LPP: variants seen among roughly 807,000 people sequenced by gnomAD.
LPP encodes the protein LIM domain containing preferred translocation partner in lipoma.
In LPP, 38 loss-of-function variants were observed where a neutral mutation model predicts 60.4. The observed-to-expected ratio is 0.63, with a 90% CI of 0.49 to 0.83. The LOEUF is 0.83. Among genes scored for constraint, LPP ranks in the 40% least tolerant of loss-of-function variants. The pLI is 0.00. For missense variants in LPP, 902 were observed against 783.6 expected (o/e 1.15, Z -1.80); for synonymous variants, 328 against 290.8 (o/e 1.13, Z -1.30).
intron 7 of LPP, among the ~76,000 whole-genome samples, chr3:188,659,175 A>G (rs1452183855): frequency 6.6e-6 from 1 of 152,228 alleles, no homozygotes; most frequent in Non-Finnish European, 1.5e-5. Context: ...TTTCTTCAGC[A>G]TTAGATGGCT....
intron 3 of LPP, among the ~76,000 whole-genome samples, chr3:188,394,551 A>AGTGTGTGT (rs1209092729): frequency 0.32 from 46,619 of 146,728 alleles, 7,569 homozygotes; most frequent in Admixed American, 0.38. Context: ...AAATATCTAA[A>AGTGTGTGT]GTGTGTGTGT....
chr3:188,287,022 T>TC (rs1744152645), intron 2 of LPP, among the ~76,000 whole-genome samples: 1 of 152,170 alleles, frequency 6.6e-6, no homozygotes, highest in Admixed American at 6.5e-5. Flanking sequence ...TGTCTCAGCC[T>TC]CCCAAGTAGC....
At chr3:188,578,431 C>A (rs568620532) in intron 6 of LPP, among the ~76,000 whole-genome samples, 94 of 152,300 alleles carry the variant, frequency 6.2e-4, no homozygotes, top group Admixed American at 5.9e-3. Flanking sequence ...CCCAGGACTA[C>A]CCCTGCTATA....
chr3:188,860,905 G>T (rs1450991686), intron 9 of LPP, among the ~76,000 whole-genome samples: 2 of 152,158 alleles, frequency 1.3e-5, no homozygotes, highest in Non-Finnish European at 2.9e-5. Flanking sequence ...TGTGTCTACC[G>T]ATATACAGAT....
chr3:188,889,158 G>A lies in LPP; in HGVS notation c.*14679G>A, dbSNP rs1770994020. The A allele has an allele frequency of 4.4e-6, 1 of 228,118 alleles. No individual in the cohort carries two copies. The highest frequency in any genetic ancestry group is 8.7e-6 in the Non-Finnish European group (1 of 114,800). The allele number at this position is 228,118 out of a possible 1,614,324, so 14.1% of individuals were successfully genotyped here. On this transcript the variant is annotated 3_prime_UTR_variant, in exon 12 of 12. Coordinates refer to ENST00000617246, the MANE Select transcript of LPP (RefSeq NM_001375462.1). ...GAAGCTCAGGGGGCCAAATGTCCTT[G>A]CCAGATCCTTAGAGCATTACTTTGA...
chr3:188,612,587 A>G (rs986286801), intron 7 of LPP, among the ~76,000 whole-genome samples: 6 of 152,198 alleles, frequency 3.9e-5, no homozygotes. Context: ...AATGATTGCA[A>G]AAGGCTTGGA....
rs77896693 is a variant in LPP, at chr3:188,610,341, G to A, written c.1113+497G>A. On this transcript the variant is annotated intron_variant, in intron 7 of 11. Transcript: ENST00000617246. The surrounding 1 kb of genome is among the most constrained non-coding windows in gnomAD (Gnocchi z 4.4). ...TGTCAGGCTGTGGCCCTGTGAAGGCGATTATAACTCCCGCAATGTTGGTAC... is the reference window on the plus strand; with the variant it reads ...TGTCAGGCTGTGGCCCTGTGAAGGCAATTATAACTCCCGCAATGTTGGTAC... 0.015 allele frequency among the ~76,000 whole-genome samples: 2,358 copies of A among 152,252 alleles called. 65 individuals carry two copies. Among genetic ancestry groups the A allele is most frequent in the African/African-American group, 0.052 (2,164 of 41,530 alleles).
Position 188,377,683 on chromosome 3 carries a change from T to C in LPP, c.-9-28429T>C, listed in dbSNP as rs111358655. ...CCTGTAGCTTGGAGTAGTTTGATCATCTGAAGCCTTCTTCTCTCAACTTGT... is the reference window on the plus strand; with the variant it reads ...CCTGTAGCTTGGAGTAGTTTGATCACCTGAAGCCTTCTTCTCTCAACTTGT... On this transcript the variant is annotated intron_variant, in intron 3 of 11. Coordinates refer to ENST00000617246, the MANE Select transcript of LPP (RefSeq NM_001375462.1). Among the ~76,000 whole-genome samples the C allele has an allele frequency of 1.3e-3, 205 of 152,332 alleles. 2 individuals carry two copies. Among genetic ancestry groups the C allele is most frequent in the African/African-American group, 4.8e-3 (200 of 41,582 alleles).
At chr3:188,511,878 G>T (rs1346862137) in intron 5 of LPP, among the ~76,000 whole-genome samples, 3 of 152,168 alleles carry the variant, frequency 2.0e-5, no homozygotes, top group African/African-American at 7.2e-5. Flanking sequence ...CAGGCTGTGT[G>T]CAGTGGACTG....
At chr3:188,436,986 A>G (rs937452109) in intron 4 of LPP, among the ~76,000 whole-genome samples, 1 of 152,158 alleles carries the variant, frequency 6.6e-6, no homozygotes, top group Admixed American at 6.5e-5. Context: ...CCAGGGGATC[A>G]GAGAGGAAAA....
At chr3:188,600,815 G>T (rs553020191) in intron 6 of LPP, among the ~76,000 whole-genome samples, 3 of 151,302 alleles carry the variant, frequency 2.0e-5, no homozygotes, top group African/African-American at 7.3e-5. Context: ...TTTGTTTTTT[G>T]TTTTTTGTTT....
At chr3:188,709,285 A>C (rs1866120795) in intron 8 of LPP, 1 of 152,230 alleles carries the variant, frequency 6.6e-6, no homozygotes, top group South Asian at 2.1e-4. Context: ...AATAATTACT[A>C]GTCTAGGTAG....
At chr3:188,291,606 A>G (rs1264169661) in intron 2 of LPP, among the ~76,000 whole-genome samples, 1 of 146,928 alleles carries the variant, frequency 6.8e-6, no homozygotes, top group African/African-American at 2.5e-5. Context: ...AGATCATGCC[A>G]CTGCACTCCA....
intron 1 of LPP, among the ~76,000 whole-genome samples, chr3:188,189,463 C>T (rs1434894610): frequency 1.3e-5 from 2 of 152,148 alleles, no homozygotes; most frequent in African/African-American, 4.8e-5. Context: ...ATTGGGGCCA[C>T]GCTGTGGTTT....
At chr3:188,285,275 T>C (rs926255891) in intron 2 of LPP, among the ~76,000 whole-genome samples, 5 of 152,188 alleles carry the variant, frequency 3.3e-5, no homozygotes, top group African/African-American at 1.2e-4. Flanking sequence ...TTTCTATATA[T>C]GTGAAGCGTT....
rs551955288 is a variant in LPP at position 188,563,622 on chromosome 3, G to C, written c.429+38835G>C. On this transcript the variant is annotated intron_variant, in intron 6 of 11. Transcript: ENST00000617246. ...ATCACTGAGTCTCTTTTATAGTGGA[G>C]AGCTTCAGCTTTTCTTTATTACAAA... Among the ~76,000 whole-genome samples, 3 of 151,798 alleles carry C rather than the reference G, an allele frequency of 2.0e-5. No homozygotes were observed. The East Asian group carries it at 5.8e-4, about 30-fold the overall frequency.
At chr3:188,807,712 G>A (rs533960669) in intron 9 of LPP, among the ~76,000 whole-genome samples, 1 of 152,174 alleles carries the variant, frequency 6.6e-6, no homozygotes, top group East Asian at 1.9e-4. Context: ...AAGACAGAAT[G>A]AGAAATATTC....
At chr3:188,753,828 A>C (rs536278066) in intron 8 of LPP, among the ~76,000 whole-genome samples, 1 of 151,922 alleles carries the variant, frequency 6.6e-6, no homozygotes, top group Admixed American at 6.6e-5. Flanking sequence ...AGAGAGGGAA[A>C]CAGACATTGG....
At chr3:188,869,549 C>T (rs1767539135) in intron 10 of LPP, among the ~76,000 whole-genome samples, 1 of 152,190 alleles carries the variant, frequency 6.6e-6, no homozygotes, top group East Asian at 1.9e-4. Flanking sequence ...CCTAGGCCTC[C>T]CAAAGTGCTG....
Sources: gnomAD v4.1 joint callset for allele counts (sites outside exome capture counted in the v4.1 genomes callset) on GRCh38, gnomAD v4.1.1 for gene constraint, Gnocchi (gnomAD v3.1) non-coding constraint, MANE v1.5 for transcripts, NCBI Gene and HGNC (gene_info 2026-07-23, HGNC 2026-07-21) for gene names.